ERAP1: variants seen among roughly 807,000 people sequenced by gnomAD.
The protein encoded by ERAP1 is adipocyte-derived leucine aminopeptidase.
A neutral mutation model predicts 103.7 loss-of-function variants in ERAP1; 86 were observed. The observed-to-expected ratio is 0.83, with a 90% CI of 0.70 to 0.99. The LOEUF is 0.99. ERAP1 is among the 50% of genes least tolerant of loss of function. The pLI, the probability that ERAP1 is intolerant of heterozygous loss-of-function variation, is 0.00. For synonymous variants in ERAP1, 398 were observed against 402.4 expected (o/e 0.99, Z 0.13); for missense variants, 1,009 against 1,128.4 (o/e 0.89, Z 1.52).
upstream of ERAP1, among the ~76,000 whole-genome samples, chr5:96,808,748 C>G (rs1312585066): frequency 6.6e-6 from 1 of 152,194 alleles, no homozygotes; most frequent in Non-Finnish European, 1.5e-5. Flanking sequence ...AAAAGACCAT[C>G]TTTAAACAGT....
downstream of ERAP1, chr5:96,772,502 T>G (rs145411706): frequency 6.5e-6 from 1 of 152,802 alleles, no homozygotes; most frequent in Non-Finnish European, 1.5e-5. Flanking sequence ...ATTCTATTAA[T>G]CCACTTTCAT....
the ERAP1 span, among the ~76,000 whole-genome samples, chr5:96,831,433 T>C: frequency 3.9e-5 from 6 of 152,328 alleles, no homozygotes; most frequent in African/African-American, 1.4e-4. Flanking sequence ...AATACTGTAT[T>C]TTCCATCCAC....
chr5:96,874,116 AGGAAAGAAAGAAAGAGAGAG>A, the ERAP1 span, among the ~76,000 whole-genome samples: 4 of 138,478 alleles, frequency 2.9e-5, no homozygotes, highest in African/African-American at 1.0e-4. Context: ...AAAAGAAGGA[AGGAAAGAAAGAAAGAGAGAG>A]AGAAAGAAAG....
In ERAP1 at chr5:96,781,063, T is replaced by C. The variant is rs1775099669; in HGVS notation, c.2583A>G (p.Val861=). 1.5e-5 allele frequency: 24 copies of C among 1,614,120 alleles called. No homozygotes were observed. The highest frequency in any genetic ancestry group is 2.0e-5 in the Non-Finnish European group (24 of 1,180,018). Residue 861 remains valine (V), a synonymous_variant, in exon 17 of 19, where the codon GTA becomes GTG. Coordinates refer to ENST00000443439, the MANE Select transcript of ERAP1 (RefSeq NM_001040458.3). The part of the protein sequence containing the change: ...QFLRKNWNKL[V]QKFELGSSSI... ...CAATTTTTGGCACCACTTACTTTTG[T>C]ACAAGTTTGTTCCAGTTTTTCCTCA...
chr5:96,926,577 G>A, the ERAP1 span, among the ~76,000 whole-genome samples: 1 of 152,108 alleles, frequency 6.6e-6, no homozygotes, highest in Non-Finnish European at 1.5e-5. Context: ...CAAATAAGTG[G>A]AATAATAACA....
chr5:96,856,829 A>C, the ERAP1 span, among the ~76,000 whole-genome samples: 1 of 152,142 alleles, frequency 6.6e-6, no homozygotes, highest in Non-Finnish European at 1.5e-5. Flanking sequence ...TCCAAATATC[A>C]ATATTTTACG....
intron 13 of ERAP1, 90 bp downstream of exon 13, chr5:96,785,694 TATCA>T (rs1775901422): frequency 2.0e-5 from 28 of 1,369,964 alleles, no homozygotes; most frequent in Non-Finnish European, 2.6e-5. Flanking sequence ...AACTTCTTGT[TATCA>T]ATCAATCATT....
At chr5:96,896,276 C>T in the ERAP1 span, 1 of 959,986 alleles carries the variant, frequency 1.0e-6, no homozygotes, top group Non-Finnish European at 1.5e-6. Flanking sequence ...CGATTGAAAT[C>T]TTACCTCTAA....
At chr5:96,883,202 C>A in the ERAP1 span, among the ~76,000 whole-genome samples, 1 of 152,260 alleles carries the variant, frequency 6.6e-6, no homozygotes, top group South Asian at 2.1e-4. Context: ...CCCAGAGCTC[C>A]CTGGGAATCA....
At position 96,793,987 on chromosome 5, in the gene ERAP1, C is replaced by T. The variant is rs769037767; in HGVS notation, c.920-30G>A. On this transcript the variant is annotated intron_variant, in intron 5 of 18. Transcript: ENST00000443439. The stretch of plus-strand genomic sequence containing the variant: ...GGAAGGAAGTAATAAAATACATTAC[C>T]AGTCTCTAAGCTATACATTCTCCCA... 1.4e-5 allele frequency: 22 copies of T among 1,611,136 alleles called. No individual in the cohort carries two copies. The South Asian group carries it at 2.4e-4, about 18-fold the overall frequency.
At chr5:96,798,821 C>T (rs1397231459) in intron 3 of ERAP1, among the ~76,000 whole-genome samples, 3 of 150,166 alleles carry the variant, frequency 2.0e-5, no homozygotes, top group Non-Finnish European at 3.0e-5. Flanking sequence ...CCCAAATCAT[C>T]TTTTCTTTTT....
chr5:96,887,310 T>C, the ERAP1 span, among the ~76,000 whole-genome samples: 14 of 150,900 alleles, frequency 9.3e-5, 1 homozygote, highest in Admixed American at 9.2e-4. Context: ...CGACTTTTTT[T>C]TTTTTTTTGA....
chr5:96,879,521 G>A, the ERAP1 span: 1 of 573,380 alleles, frequency 1.7e-6, no homozygotes, highest in African/African-American at 1.9e-5. Flanking sequence ...TTTGTAAATT[G>A]AAATCTTTTT....
At chr5:96,768,834 C>T (rs909905510) in intron 19 of ERAP1, 2 of 157,874 alleles carry the variant, frequency 1.3e-5, no homozygotes, top group African/African-American at 4.8e-5. Context: ...CATCTTCTCC[C>T]TTCCCAGTCC....
the ERAP1 span, chr5:96,903,521 A>T: frequency 2.2e-5 from 35 of 1,613,206 alleles, no homozygotes; most frequent in Non-Finnish European, 2.9e-5. Context: ...AGACCTAAGG[A>T]CAGAGTAGGT....
At chr5:96,925,319 G>T in the ERAP1 span, among the ~76,000 whole-genome samples, 1 of 152,148 alleles carries the variant, frequency 6.6e-6, no homozygotes, top group Admixed American at 6.5e-5. Context: ...ATTTTACAAA[G>T]GAGAAAGTGA....
At chr5:96,864,071 T>C in the ERAP1 span, among the ~76,000 whole-genome samples, 5 of 152,188 alleles carry the variant, frequency 3.3e-5, no homozygotes, top group Non-Finnish European at 7.4e-5. Context: ...TACATTCATA[T>C]ACATATTCAC....
chr5:96,838,606 C>T, the ERAP1 span, among the ~76,000 whole-genome samples: 4 of 152,172 alleles, frequency 2.6e-5, no homozygotes, highest in African/African-American at 9.7e-5. Flanking sequence ...CCAAAGTCCA[C>T]TTGAATTCTT....
the ERAP1 span, among the ~76,000 whole-genome samples, chr5:96,910,963 T>G: frequency 6.6e-6 from 1 of 152,244 alleles, no homozygotes; most frequent in Non-Finnish European, 1.5e-5. Flanking sequence ...CCAATTGTTA[T>G]AAAGTTGTTC....
Sources: allele counts gnomAD v4.1 joint callset (sites outside exome capture counted in the v4.1 genomes callset), GRCh38; gene constraint gnomAD v4.1.1; transcripts MANE v1.5; gene names NCBI Gene and HGNC (gene_info 2026-07-23, HGNC 2026-07-21).